MAML2: variants seen among roughly 807,000 people sequenced by gnomAD.
MAML2 encodes the protein mastermind like transcriptional coactivator 2, also known as mastermind-like protein 2.
In MAML2, 22 loss-of-function variants were observed where a neutral mutation model predicts 96.1. The ratio of observed to expected loss-of-function variants is 0.23; its 90% CI spans 0.16 to 0.33. The LOEUF is 0.33. MAML2 is among the 10% of genes least tolerant of loss of function. The pLI, the probability that MAML2 is intolerant of heterozygous loss-of-function variation, is 1.00. For synonymous variants in MAML2, 561 were observed against 521.3 expected, an observed-to-expected ratio of 1.08 and a Z score of -1.04; for missense variants, 1,367 against 1,392.4, an observed-to-expected ratio of 0.98 and a Z score of 0.29.
chr11:96,161,217 T>G (rs1008407576), intron 1 of MAML2, among the ~76,000 whole-genome samples: 1 of 152,192 alleles, frequency 6.6e-6, no homozygotes, highest in Non-Finnish European at 1.5e-5. Context: ...ATTTAGACCC[T>G]GAAACGGGAG....
chr11:96,052,889 G>A (rs769018560), intron 2 of MAML2, among the ~76,000 whole-genome samples: 1 of 152,206 alleles, frequency 6.6e-6, no homozygotes, highest in African/African-American at 2.4e-5. Flanking sequence ...AGCCAGAAAC[G>A]ATCTAAGGCA....
chr11:96,300,730 C>T lies in MAML2; in HGVS notation c.513+40653G>A, dbSNP rs143447324. Among the ~76,000 whole-genome samples, 101 of 152,258 alleles carry T rather than the reference C, an allele frequency of 6.6e-4. 1 individual carries two copies. Among genetic ancestry groups the T allele is most frequent in the African/African-American group, 2.1e-3 (88 of 41,540 alleles). Reference sequence around the variant, plus strand: ...TGGAAGAAAGGGAGGATCCCTGTATCGCATGACATCCTCAGGGAGGATTCA... The same window carrying T: ...TGGAAGAAAGGGAGGATCCCTGTATTGCATGACATCCTCAGGGAGGATTCA... On this transcript the variant is annotated intron_variant, in intron 1 of 4. Transcript: ENST00000524717.
chr11:96,282,580 A>T (rs567127812), intron 1 of MAML2, among the ~76,000 whole-genome samples: 1 of 152,294 alleles, frequency 6.6e-6, no homozygotes, highest in Admixed American at 6.5e-5. Flanking sequence ...TTACTGTTAG[A>T]TTAGAAGACA....
chr11:95,990,377 C>A (rs1343144384), intron 3 of MAML2, among the ~76,000 whole-genome samples: 1 of 152,082 alleles, frequency 6.6e-6, no homozygotes, highest in African/African-American at 2.4e-5. Context: ...ACACTCAATA[C>A]CTTGGCAGGC....
At chr11:96,294,546 A>G (rs1410201855) in intron 1 of MAML2, among the ~76,000 whole-genome samples, 1 of 152,222 alleles carries the variant, frequency 6.6e-6, no homozygotes, top group African/African-American at 2.4e-5. Context: ...AGGAAGTTCC[A>G]AAGGAAAGAG....
chr11:96,280,383 T>C (rs1863047742), intron 1 of MAML2, among the ~76,000 whole-genome samples: 1 of 152,228 alleles, frequency 6.6e-6, no homozygotes, highest in Admixed American at 6.5e-5. Flanking sequence ...TGTTTCCTGC[T>C]GGGTGAAAAC....
chr11:96,223,613 A>C (rs894241629), intron 1 of MAML2, among the ~76,000 whole-genome samples: 7 of 150,252 alleles, frequency 4.7e-5, no homozygotes, highest in Middle Eastern at 3.4e-3. Flanking sequence ...GCAGGTTTGT[A>C]TTATATATAA....
Position 96,015,587 on chromosome 11 carries a change from G to C in MAML2, c.2140-23864C>G, listed in dbSNP as rs984865547. 3.1e-4 allele frequency among the ~76,000 whole-genome samples: 39 copies of C among 126,258 alleles called. 1 individual carries two copies. The highest frequency in any genetic ancestry group is 6.1e-4 in the Admixed American group (8 of 13,062). The allele number at this position is 126,258 out of a possible 152,430, so 82.8% of individuals were successfully genotyped here. A position where few individuals can be genotyped will look rare whatever the true frequency, so the allele number is the denominator to read the frequency against. On this transcript the variant is annotated intron_variant, in intron 2 of 4. Transcript: ENST00000524717. ...AAGAAGGCAAAAAAAAAAAAAAAGG[G>C]GGGGGGGGCAATTCATGAAGACATA...
At chr11:96,173,785 A>G (rs1861340318) in intron 1 of MAML2, among the ~76,000 whole-genome samples, 1 of 152,192 alleles carries the variant, frequency 6.6e-6, no homozygotes, top group East Asian at 1.9e-4. Flanking sequence ...ATCATTATGT[A>G]CTCCTCACTT....
intron 1 of MAML2, among the ~76,000 whole-genome samples, chr11:96,106,049 T>C (rs2135826697): frequency 6.6e-6 from 1 of 152,342 alleles, no homozygotes; most frequent in South Asian, 2.1e-4. Context: ...TGTTTCTTGA[T>C]TATTTAAATG....
At chr11:96,241,257 G>A (rs1447599220) in intron 1 of MAML2, among the ~76,000 whole-genome samples, 1 of 152,244 alleles carries the variant, frequency 6.6e-6, no homozygotes, top group Non-Finnish European at 1.5e-5. Flanking sequence ...AACCAACTCT[G>A]AAATGAGGAC....
At chr11:95,980,006 T>A (rs1161900466) in intron 4 of MAML2, 43 bp from the exon 5 acceptor site, 1 of 1,497,452 alleles carries the variant, frequency 6.7e-7, no homozygotes, top group Non-Finnish European at 9.1e-7. Context: ...AGCAGCATGT[T>A]ATCTCCTCTG....
intron 1 of MAML2, among the ~76,000 whole-genome samples, chr11:96,232,098 A>G (rs999807906): frequency 6.6e-6 from 1 of 152,214 alleles, no homozygotes; most frequent in African/African-American, 2.4e-5. Flanking sequence ...GTATCCTGCC[A>G]TTCACATCAC....
chr11:96,146,010 A>C (rs1030439375), intron 1 of MAML2, among the ~76,000 whole-genome samples: 1 of 151,562 alleles, frequency 6.6e-6, no homozygotes, highest in Admixed American at 6.6e-5. Flanking sequence ...CTCCGTCTCA[A>C]AAAAAAAAAT....
At chr11:96,032,305 T>C (rs1403099895) in intron 2 of MAML2, among the ~76,000 whole-genome samples, 1 of 152,084 alleles carries the variant, frequency 6.6e-6, no homozygotes, top group African/African-American at 2.4e-5. Context: ...AAGTTATGTT[T>C]CCACTGGGTG....
At chr11:95,988,691 G>A (rs1201951985) in intron 3 of MAML2, among the ~76,000 whole-genome samples, 1 of 151,640 alleles carries the variant, frequency 6.6e-6, no homozygotes, top group South Asian at 2.1e-4. Flanking sequence ...ACATAACACA[G>A]AACTGCCATG....
At chr11:96,196,645 T>G (rs2135926309) in intron 1 of MAML2, among the ~76,000 whole-genome samples, 1 of 152,328 alleles carries the variant, frequency 6.6e-6, no homozygotes, top group Admixed American at 6.5e-5. Flanking sequence ...GGAGGTTCAC[T>G]CCTTAGGTCT....
chr11:96,111,754 C>T (rs1860127895), intron 1 of MAML2, among the ~76,000 whole-genome samples: 1 of 152,202 alleles, frequency 6.6e-6, no homozygotes, highest in Admixed American at 6.5e-5. Flanking sequence ...GTTTGATTTT[C>T]ACACTAAAAC....
At chr11:96,099,460 G>A (rs1023102227) in intron 1 of MAML2, among the ~76,000 whole-genome samples, 5 of 152,078 alleles carry the variant, frequency 3.3e-5, no homozygotes, top group Non-Finnish European at 5.9e-5. Context: ...GAGCTTCCTT[G>A]TATTACTAGA....
Sources: gnomAD v4.1 joint callset for allele counts (sites outside exome capture counted in the v4.1 genomes callset) on GRCh38, gnomAD v4.1.1 for gene constraint, MANE v1.5 for transcripts, NCBI Gene and HGNC (gene_info 2026-07-23, HGNC 2026-07-21) for gene names.